The following FHIT variants were observed in gnomAD, a reference collection of about 807,000 sequenced individuals.
FHIT encodes the protein fragile histidine triad diadenosine triphosphatase, also known as bis(5'-adenosyl)-triphosphatase.
FHIT carries 19 observed loss-of-function variants against 17.9 expected under a neutral mutation model. The ratio of observed to expected loss-of-function variants is 1.06; its 90% CI spans 0.74 to 1.56. The LOEUF (loss-of-function observed/expected upper bound fraction) is 1.56. Ranked by LOEUF, FHIT falls within the 40% of genes most tolerant of loss-of-function variation. The probability of loss-of-function intolerance (pLI) is 0.00; values close to 1 mark genes in which losing one functional copy is unlikely to be tolerated. For synonymous variants in FHIT, 81 were observed against 69.7 expected, an observed-to-expected ratio of 1.16 and a Z score of -0.81; for missense variants, 248 against 189.2, an observed-to-expected ratio of 1.31 and a Z score of -1.82.
At chr3:60,603,828 T>G (rs150379810) in intron 4 of FHIT, among the ~76,000 whole-genome samples, 63 of 152,252 alleles carry the variant, frequency 4.1e-4, no homozygotes, top group African/African-American at 1.4e-3. Context: ...CTGTTTCATT[T>G]TTGTAAATAG....
chr3:60,986,932 T>A (rs547569674), intron 3 of FHIT, among the ~76,000 whole-genome samples: 1 of 152,358 alleles, frequency 6.6e-6, no homozygotes, highest in Admixed American at 6.5e-5. Context: ...AAGTCTACAT[T>A]GCTTGGTTCA....
chr3:60,319,136 G>T (rs1276411952), intron 5 of FHIT, among the ~76,000 whole-genome samples: 1 of 152,084 alleles, frequency 6.6e-6, no homozygotes, highest in Non-Finnish European at 1.5e-5. Flanking sequence ...AGTCCCTTTT[G>T]CCACATAAGG....
chr3:60,961,118 T>C (rs1553780608), intron 3 of FHIT, among the ~76,000 whole-genome samples: 1 of 152,212 alleles, frequency 6.6e-6, no homozygotes, highest in African/African-American at 2.4e-5. Flanking sequence ...TTTTAATGAT[T>C]GCCATTCTAA....
intron 5 of FHIT, among the ~76,000 whole-genome samples, chr3:60,423,111 C>A (rs976378673): frequency 6.6e-6 from 1 of 152,138 alleles, no homozygotes; most frequent in African/African-American, 2.4e-5. Context: ...TTGCCACCAG[C>A]AGCCTCTCAT....
At chr3:60,895,762 T>G (rs1354097329) in intron 3 of FHIT, among the ~76,000 whole-genome samples, 2 of 150,820 alleles carry the variant, frequency 1.3e-5, no homozygotes, top group African/African-American at 2.4e-5. Context: ...ATCTTACTCA[T>G]TTGATTCTTA....
At chr3:60,912,068 C>T (rs1267384179) in intron 3 of FHIT, among the ~76,000 whole-genome samples, 1 of 151,848 alleles carries the variant, frequency 6.6e-6, no homozygotes, top group Non-Finnish European at 1.5e-5. Flanking sequence ...CACACACACA[C>T]ACACGTACAC....
intron 4 of FHIT, among the ~76,000 whole-genome samples, chr3:60,745,536 C>A (rs1333513784): frequency 6.6e-6 from 1 of 152,070 alleles, no homozygotes; most frequent in Non-Finnish European, 1.5e-5. Context: ...ATCAGATTTA[C>A]GCTTTGAAAA....
chr3:59,833,832 G>C (rs1701248920), intron 8 of FHIT, among the ~76,000 whole-genome samples: 1 of 152,118 alleles, frequency 6.6e-6, no homozygotes, highest in African/African-American at 2.4e-5. Context: ...TGCTGTTCTT[G>C]TGATAGTGAG....
At chr3:59,883,508 C>T (rs557012627) in intron 8 of FHIT, among the ~76,000 whole-genome samples, 8 of 152,286 alleles carry the variant, frequency 5.3e-5, no homozygotes, top group African/African-American at 7.2e-5. Flanking sequence ...TTATTCACTA[C>T]GACGAGAATG....
chr3:60,810,116 T>C (rs923612383), intron 4 of FHIT, among the ~76,000 whole-genome samples: 2 of 152,184 alleles, frequency 1.3e-5, no homozygotes, highest in Admixed American at 1.3e-4. Flanking sequence ...GATTCCCAGT[T>C]TGTGTCAGCC....
intron 5 of FHIT, among the ~76,000 whole-genome samples, chr3:60,410,298 C>T (rs1000479934): frequency 1.3e-5 from 2 of 152,002 alleles, no homozygotes; most frequent in African/African-American, 4.8e-5. Context: ...TGGATAATTG[C>T]AAGCCTCTCC....
At chr3:60,612,442 A>G (rs1223765427) in intron 4 of FHIT, among the ~76,000 whole-genome samples, 4 of 152,238 alleles carry the variant, frequency 2.6e-5, no homozygotes, top group African/African-American at 7.2e-5. Flanking sequence ...TGTTAAAACA[A>G]AAAGCAAAAC....
chr3:60,462,479 G>A (rs2032534844), intron 5 of FHIT, among the ~76,000 whole-genome samples: 1 of 152,166 alleles, frequency 6.6e-6, no homozygotes, highest in South Asian at 2.1e-4. Context: ...GAAAGGCATG[G>A]GGTGTGAAAA....
intron 5 of FHIT, among the ~76,000 whole-genome samples, chr3:60,231,371 T>G (rs992272787): frequency 2.0e-5 from 3 of 152,184 alleles, no homozygotes; most frequent in Non-Finnish European, 4.4e-5. Flanking sequence ...GTCTGAACAC[T>G]TTCATGTAAC....
intron 5 of FHIT, among the ~76,000 whole-genome samples, chr3:60,029,700 G>A (rs1700900232): frequency 1.3e-5 from 2 of 152,130 alleles, no homozygotes. Context: ...GAATACATGT[G>A]CCACAGTAAA....
chr3:60,845,772 G>A (rs528177503), intron 3 of FHIT, among the ~76,000 whole-genome samples: 2 of 152,230 alleles, frequency 1.3e-5, no homozygotes, highest in African/African-American at 4.8e-5. Context: ...TGCTGTAAAT[G>A]AAATTTCACC....
At chr3:60,159,021 T>A (rs1053011913) in intron 5 of FHIT, among the ~76,000 whole-genome samples, 1 of 152,188 alleles carries the variant, frequency 6.6e-6, no homozygotes, top group Non-Finnish European at 1.5e-5. Flanking sequence ...TTTATACTAA[T>A]GTTTGCTAAC....
At chr3:60,706,495 G>T (rs2041376622) in intron 4 of FHIT, among the ~76,000 whole-genome samples, 1 of 152,160 alleles carries the variant, frequency 6.6e-6, no homozygotes, top group African/African-American at 2.4e-5. Flanking sequence ...TCATATCAGG[G>T]TTAGAGGACA....
chr3:59,854,614 T>C (rs527689714), intron 8 of FHIT, among the ~76,000 whole-genome samples: 12 of 152,190 alleles, frequency 7.9e-5, no homozygotes, highest in Non-Finnish European at 1.8e-4. Context: ...GAGCTTATTT[T>C]ATTTAATCCT....
Sources: gnomAD v4.1 joint callset for allele counts (sites outside exome capture counted in the v4.1 genomes callset) on GRCh38, gnomAD v4.1.1 for gene constraint, MANE v1.5 for transcripts, NCBI Gene and HGNC (gene_info 2026-07-23, HGNC 2026-07-21) for gene names.